ADAM32: variants seen among roughly 807,000 people sequenced by gnomAD.
ADAM32 encodes disintegrin and metalloproteinase domain-containing protein 32.
A neutral mutation model predicts 114.9 loss-of-function variants in ADAM32; 89 were observed. The observed-to-expected ratio is 0.77, with a 90% CI of 0.65 to 0.92. ADAM32 has a LOEUF of 0.92. Among genes scored for constraint, ADAM32 ranks in the 40% least tolerant of loss-of-function variants. The probability of loss-of-function intolerance (pLI) is 0.00; values close to 1 mark genes in which losing one functional copy is unlikely to be tolerated. For missense variants in ADAM32, 870 were observed against 932.8 expected, an observed-to-expected ratio of 0.93 and a Z score of 0.88; for synonymous variants, 285 against 307.5, an observed-to-expected ratio of 0.93 and a Z score of 0.77.
intron 22 of ADAM32, among the ~76,000 whole-genome samples, 163 bp from the exon 23 acceptor site, chr8:39,280,973 G>T (rs540189841): frequency 1.3e-5 from 2 of 151,754 alleles, no homozygotes; most frequent in Admixed American, 1.3e-4. Context: ...TAGTAGAGAC[G>T]GGGTTTCATC....
At chr8:39,149,652 A>T in intron 4 of ADAM32, 139 bp from the exon 5 acceptor site, 2 of 543,242 alleles carry the variant, frequency 3.7e-6, no homozygotes, top group Non-Finnish European at 6.2e-6. Flanking sequence ...TTTTTTTCTG[A>T]ATTTCACCTT....
intron 22 of ADAM32, among the ~76,000 whole-genome samples, chr8:39,277,746 C>T (rs765418736): frequency 8.5e-5 from 13 of 152,366 alleles, no homozygotes; most frequent in South Asian, 2.1e-4. Flanking sequence ...ACAGCCAGCA[C>T]TTTTGGGCGC....
At chr8:39,199,876 GT>G (rs1807276411) in intron 11 of ADAM32, among the ~76,000 whole-genome samples, 1 of 151,560 alleles carries the variant, frequency 6.6e-6, no homozygotes, top group African/African-American at 2.4e-5. Context: ...GCGGTGTTTG[GT>G]TTTTTGTCCT....
At chr8:39,205,331 C>A (rs986428012) in intron 11 of ADAM32, among the ~76,000 whole-genome samples, 1 of 152,212 alleles carries the variant, frequency 6.6e-6, no homozygotes, top group Non-Finnish European at 1.5e-5. Flanking sequence ...CAATGGCAGG[C>A]GCCCCTCCCC....
intron 17 of ADAM32, among the ~76,000 whole-genome samples, chr8:39,251,316 C>G (rs1811283599): frequency 6.6e-6 from 1 of 151,790 alleles, no homozygotes; most frequent in Admixed American, 6.6e-5. Flanking sequence ...TTCCTTTTCT[C>G]CACAGCCTCG....
chr8:39,253,630 C>T (rs879636406), intron 17 of ADAM32, among the ~76,000 whole-genome samples: 21 of 151,412 alleles, frequency 1.4e-4, no homozygotes, highest in African/African-American at 2.9e-4. Flanking sequence ...CAAAAACAGA[C>T]GGTCAGGAAA....
chr8:39,156,025 A>ATAATACAATGTACAAGCTATTGTATAG (rs1444337976), intron 6 of ADAM32, among the ~76,000 whole-genome samples: 3 of 152,186 alleles, frequency 2.0e-5, no homozygotes, highest in Non-Finnish European at 4.4e-5. Context: ...TATGTTAATG[A>ATAATACAATGTACAAGCTATTGTATAG]TAATACAATG....
chr8:39,259,217 G>C (rs1034497485), intron 19 of ADAM32, among the ~76,000 whole-genome samples: 2 of 135,238 alleles, frequency 1.5e-5, no homozygotes, highest in Non-Finnish European at 3.2e-5. Context: ...TTTCTTTTTT[G>C]AGACGAAGCT....
chr8:39,194,256 G>A (rs952759616), intron 11 of ADAM32, among the ~76,000 whole-genome samples: 8 of 152,142 alleles, frequency 5.3e-5, no homozygotes, highest in African/African-American at 1.9e-4. Flanking sequence ...GGGTGGGTTT[G>A]CTGTTTTTAA....
At chr8:39,137,875 G>T (rs1361721129) in intron 3 of ADAM32, among the ~76,000 whole-genome samples, 1 of 151,984 alleles carries the variant, frequency 6.6e-6, no homozygotes, top group Non-Finnish European at 1.5e-5. Flanking sequence ...AAGAGAAAAA[G>T]AATATGGTGG....
At chr8:39,278,389 C>T (rs1230081190) in intron 22 of ADAM32, among the ~76,000 whole-genome samples, 1 of 152,142 alleles carries the variant, frequency 6.6e-6, no homozygotes, top group Non-Finnish European at 1.5e-5. Flanking sequence ...GCGCTTTTGC[C>T]AGAGACCCAC....
intron 2 of ADAM32, among the ~76,000 whole-genome samples, chr8:39,134,454 A>G (rs1303228625): frequency 6.6e-6 from 1 of 152,068 alleles, no homozygotes; most frequent in African/African-American, 2.4e-5. Flanking sequence ...CTCTCAGCCA[A>G]TCCTGGCCAG....
chr8:39,162,975 T>A (rs1228345742), intron 7 of ADAM32, among the ~76,000 whole-genome samples: 1 of 152,204 alleles, frequency 6.6e-6, no homozygotes, highest in African/African-American at 2.4e-5. Context: ...GCCTCCAGCC[T>A]AGGCAACAGA....
intron 1 of ADAM32, among the ~76,000 whole-genome samples, chr8:39,114,285 T>C (rs1840285319): frequency 6.6e-6 from 1 of 152,184 alleles, no homozygotes; most frequent in Non-Finnish European, 1.5e-5. Context: ...CACAGGACAC[T>C]ATGGAGGAGT....
intron 3 of ADAM32, among the ~76,000 whole-genome samples, chr8:39,141,638 A>G (rs1333425518): frequency 2.0e-5 from 3 of 152,158 alleles, no homozygotes; most frequent in African/African-American, 7.2e-5. Context: ...AATAAGTGTG[A>G]TGTGGTGCTG....
chr8:39,151,673 A>AAC, intron 6 of ADAM32, 125 bp downstream of exon 6: 2 of 564,480 alleles, frequency 3.5e-6, no homozygotes, highest in Non-Finnish European at 5.1e-6. Flanking sequence ...TGAACATCTT[A>AAC]TCTTTTTTTT....
At chr8:39,228,673 T>C (rs567522458) in intron 14 of ADAM32, among the ~76,000 whole-genome samples, 4 of 152,016 alleles carry the variant, frequency 2.6e-5, no homozygotes, top group East Asian at 3.9e-4. Context: ...CTCCAAGAAG[T>C]CTGGGATTTT....
intron 13 of ADAM32, among the ~76,000 whole-genome samples, chr8:39,222,027 T>C (rs1809007172): frequency 6.6e-6 from 1 of 151,964 alleles, no homozygotes; most frequent in Non-Finnish European, 1.5e-5. Context: ...TAAAAACGTT[T>C]TTATGGGTTG....
At chr8:39,107,994 C>A (rs1588449604) in intron 1 of ADAM32, 161 bp downstream of exon 1, 1 of 944,408 alleles carries the variant, frequency 1.1e-6, no homozygotes, top group Non-Finnish European at 1.5e-6. Flanking sequence ...GATGGAGAAG[C>A]GACTCAGGGC....
Sources: allele counts gnomAD v4.1 joint callset (sites outside exome capture counted in the v4.1 genomes callset), GRCh38; gene constraint gnomAD v4.1.1; transcripts MANE v1.5; gene names NCBI Gene and HGNC (gene_info 2026-07-23, HGNC 2026-07-21).